Variants in VPS13D observed in about 807,000 individuals in gnomAD.
VPS13D encodes the protein intermembrane lipid transfer protein VPS13D.
In VPS13D, 187 loss-of-function variants were observed where a neutral mutation model predicts 461.9. The ratio of observed to expected loss-of-function variants is 0.40; its 90% confidence interval spans 0.36 to 0.46. The LOEUF (loss-of-function observed/expected upper bound fraction) is 0.46, where lower values mean the gene tolerates loss of function less well. Among genes scored for constraint, VPS13D ranks in the 20% least tolerant of loss-of-function variants. VPS13D has a pLI of 0.60. For missense variants in VPS13D, 4,711 were observed against 5,364.9 expected (o/e 0.88, Z 3.81); for synonymous variants, 1,951 against 1,986.3 (o/e 0.98, Z 0.47).
intron 50 of VPS13D, among the ~76,000 whole-genome samples, chr1:12,359,205 A>G (rs771550092): frequency 2.6e-5 from 4 of 152,228 alleles, no homozygotes; most frequent in Non-Finnish European, 4.4e-5. Flanking sequence ...CCACTTGAGA[A>G]CGCTCAAAAG....
chr1:12,312,047 G>A lies in VPS13D; in HGVS notation c.6935+122G>A. ...CCACAGATGGAATGTTGTCTGCAGA[G>A]TGTCTTTTGGTTGATCTACACAGTG... On this transcript the variant is annotated intron_variant, in intron 29 of 69. Coordinates refer to ENST00000620676, the MANE Select transcript of VPS13D (RefSeq NM_015378.4). 1.2e-5 allele frequency: 7 copies of A among 607,656 alleles called. No individual in the cohort carries two copies. In the South Asian group the frequency reaches 1.2e-4, roughly 10 times the overall value. 37.6% of individuals were successfully genotyped at this position (607,656 alleles called of 1,614,324 possible). A position where few individuals can be genotyped will look rare whatever the true frequency, so the allele number is the denominator to read the frequency against.
chr1:12,376,556 A>G (rs1205710330), intron 55 of VPS13D, among the ~76,000 whole-genome samples: 1 of 152,234 alleles, frequency 6.6e-6, no homozygotes, highest in Non-Finnish European at 1.5e-5. Context: ...TTGACAGATC[A>G]GGAAACGGAG....
intron 24 of VPS13D, among the ~76,000 whole-genome samples, chr1:12,294,464 A>G (rs543477202): frequency 1.2e-4 from 18 of 152,358 alleles, no homozygotes; most frequent in Non-Finnish European, 2.4e-4. Flanking sequence ...GCCAACTACC[A>G]CAAGCTACTA....
intron 25 of VPS13D, among the ~76,000 whole-genome samples, chr1:12,302,832 C>CTT (rs60602915): frequency 7.4e-5 from 9 of 121,102 alleles, no homozygotes; most frequent in South Asian, 2.7e-4. Flanking sequence ...AAAAGAATTC[C>CTT]TTTTTTTTTT....
intron 2 of VPS13D, among the ~76,000 whole-genome samples, chr1:12,239,613 G>A (rs1640278849): frequency 6.6e-6 from 1 of 152,162 alleles, no homozygotes; most frequent in Admixed American, 6.5e-5. Flanking sequence ...TCAGCCTGGG[G>A]GCCTATCGTA....
At chr1:12,272,773 C>T (rs747315913) in intron 17 of VPS13D, among the ~76,000 whole-genome samples, 3 of 152,152 alleles carry the variant, frequency 2.0e-5, no homozygotes, top group Non-Finnish European at 4.4e-5. Flanking sequence ...AGACTCTCCC[C>T]TATTTAGTTA....
chr1:12,342,547 G>GA (rs1643592997), intron 41 of VPS13D, among the ~76,000 whole-genome samples: 1 of 152,182 alleles, frequency 6.6e-6, no homozygotes, highest in African/African-American at 2.4e-5. Context: ...GACTGCTCTA[G>GA]AAGAGAAGCT....
At chr1:12,498,599 T>C (rs1176935012) in intron 68 of VPS13D, among the ~76,000 whole-genome samples, 2 of 152,220 alleles carry the variant, frequency 1.3e-5, no homozygotes, top group East Asian at 3.8e-4. Flanking sequence ...CTCTTGAAGA[T>C]GGAGTTGTAC....
chr1:12,365,885 A>C (rs1316458280), intron 52 of VPS13D, among the ~76,000 whole-genome samples: 1 of 152,108 alleles, frequency 6.6e-6, no homozygotes, highest in Non-Finnish European at 1.5e-5. Flanking sequence ...ATTCCAAAAT[A>C]GTTCTTAAAA....
intron 65 of VPS13D, among the ~76,000 whole-genome samples, chr1:12,435,466 C>T (rs752493923): frequency 6.6e-5 from 10 of 151,944 alleles, no homozygotes; most frequent in African/African-American, 9.7e-5. Context: ...GTCTGAACAA[C>T]AACAACAAAA....
intron 67 of VPS13D, among the ~76,000 whole-genome samples, chr1:12,465,971 C>T (rs1293400830): frequency 1.3e-5 from 2 of 152,046 alleles, no homozygotes; most frequent in Non-Finnish European, 2.9e-5. Flanking sequence ...CCTGTCTCTA[C>T]TAAAAGTACA....
rs774341124 is a variant in VPS13D at position 12,324,323 on chromosome 1, A to C, written c.7990+543A>C. 2.0e-5 allele frequency among the ~76,000 whole-genome samples: 3 copies of C among 152,276 alleles called. No homozygotes were observed. The East Asian group carries it at 5.8e-4, about 29-fold the overall frequency. On this transcript the variant is annotated intron_variant, in intron 35 of 69. Coordinates refer to ENST00000620676, the MANE Select transcript of VPS13D (RefSeq NM_015378.4). ...GGAGTTCAAGACCAGCCTGACCAAC[A>C]TGGCGAAACCGCATCTCTACTAAAA...
At chr1:12,313,412 A>T (rs1388326194) in intron 29 of VPS13D, among the ~76,000 whole-genome samples, 1 of 142,528 alleles carries the variant, frequency 7.0e-6, no homozygotes, top group Non-Finnish European at 1.5e-5. Flanking sequence ...GGCTCAAGTG[A>T]TCCTCCCACC....
At chr1:12,486,752 G>A (rs574354133) in intron 67 of VPS13D, among the ~76,000 whole-genome samples, 46 of 152,274 alleles carry the variant, frequency 3.0e-4, no homozygotes, top group African/African-American at 9.1e-4. Flanking sequence ...GTTCCACTGC[G>A]GACTGCCGCT....
intron 49 of VPS13D, among the ~76,000 whole-genome samples, chr1:12,356,743 AG>A (rs1230421001): frequency 3.3e-5 from 5 of 152,210 alleles, no homozygotes; most frequent in African/African-American, 4.8e-5. Flanking sequence ...AATGAAAGCT[AG>A]TTTTATTTTA....
rs144877144 is a variant in VPS13D, at chr1:12,419,823, C to G, written c.12333+2996C>G. Among the ~76,000 whole-genome samples, 11 of 152,292 alleles carry G rather than the reference C, an allele frequency of 7.2e-5. No homozygotes were observed. In the East Asian group the frequency reaches 9.6e-4, roughly 13 times the overall value. ...GGGATACATTTTGAGAATCATTTTA[C>G]TAGGTGATTTCATTGCTGTGCGAAC... On this transcript the variant is annotated intron_variant, in intron 65 of 69. Transcript: ENST00000620676.
At chr1:12,368,933 A>G (rs541409566) in intron 53 of VPS13D, among the ~76,000 whole-genome samples, 2 of 152,216 alleles carry the variant, frequency 1.3e-5, no homozygotes, top group African/African-American at 2.4e-5. Flanking sequence ...GGAATGGGCA[A>G]TTCTGCTGTT....
At position 12,257,656 on chromosome 1, in the gene VPS13D, G is replaced by A. The variant is rs144894052; in HGVS notation, c.942-279G>A. On this transcript the variant is annotated intron_variant, in intron 9 of 69. Transcript: ENST00000620676. ...GGTATTTACCTTACAGTCAGCCTTCGATATTCTGTCAGTAGAGGGGAGGGA... is the reference window on the plus strand; with the variant it reads ...GGTATTTACCTTACAGTCAGCCTTCAATATTCTGTCAGTAGAGGGGAGGGA... 1.9e-3 allele frequency among the ~76,000 whole-genome samples: 296 copies of A among 152,274 alleles called. 2 individuals are homozygous for A. The highest frequency in any genetic ancestry group is 2.2e-3 in the Non-Finnish European group (149 of 68,028).
intron 29 of VPS13D, 114 bp downstream of exon 29, chr1:12,312,039 T>C (rs771534865): frequency 1.8e-5 from 15 of 829,464 alleles, no homozygotes; most frequent in African/African-American, 6.9e-5. Flanking sequence ...TGGAATGTTG[T>C]CTGCAGAGTG....
Sources: allele counts gnomAD v4.1 joint callset (sites outside exome capture counted in the v4.1 genomes callset), GRCh38; gene constraint gnomAD v4.1.1; transcripts MANE v1.5; gene names NCBI Gene and HGNC (gene_info 2026-07-23, HGNC 2026-07-21).